The following CEP85L variants were observed in gnomAD, a reference collection of about 807,000 sequenced individuals.
CEP85L encodes centrosomal protein of 85 kDa-like.
Under a neutral mutation model 100.3 loss-of-function variants are expected in CEP85L, and 60 were observed. The observed-to-expected ratio is 0.60, with a 90% CI of 0.49 to 0.74. The LOEUF is 0.74. Among genes scored for constraint, CEP85L ranks in the 30% least tolerant of loss-of-function variants. The pLI is 0.00. For missense variants in CEP85L, 973 were observed against 936.2 expected (o/e 1.04, Z -0.51); for synonymous variants, 319 against 322.7 (o/e 0.99, Z 0.12).
chr6:118,471,568 G>A (rs922015619), intron 10 of CEP85L, among the ~76,000 whole-genome samples: 2 of 151,784 alleles, frequency 1.3e-5, no homozygotes, highest in African/African-American at 4.8e-5. Flanking sequence ...ATCACCATGG[G>A]TTGAAATAAG....
At chr6:118,477,421 TAA>T (rs1773467414) in intron 10 of CEP85L, among the ~76,000 whole-genome samples, 1 of 152,162 alleles carries the variant, frequency 6.6e-6, no homozygotes, top group Non-Finnish European at 1.5e-5. Flanking sequence ...CTATAACAGA[TAA>T]GTATTTATTT....
intron 2 of CEP85L, among the ~76,000 whole-genome samples, chr6:118,578,682 C>A (rs1167836599): frequency 2.0e-5 from 3 of 152,016 alleles, no homozygotes; most frequent in Non-Finnish European, 4.4e-5. Context: ...TGAGCCGAGA[C>A]CGCGCCACTG....
chr6:118,569,488 A>C (rs1314635659), intron 2 of CEP85L, among the ~76,000 whole-genome samples: 1 of 151,038 alleles, frequency 6.6e-6, no homozygotes, highest in African/African-American at 2.4e-5. Flanking sequence ...AAAATAAATA[A>C]ATAAAAATAA....
Position 118,489,506 on chromosome 6 carries a change from A to G in CEP85L, c.1437+2180T>C, listed in dbSNP as rs115480511. On this transcript the variant is annotated intron_variant, in intron 6 of 12. Transcript: ENST00000368491. ...GTATAACCAAATCCACACATGCTCA[A>G]TTCCTGCATAGAAGACATACAAATA... is the stretch of plus-strand genomic sequence containing the variant. Among the ~76,000 whole-genome samples the G allele has an allele frequency of 3.7e-3, 566 of 152,322 alleles. 3 individuals carry two copies. Among genetic ancestry groups the G allele is most frequent in the African/African-American group, 0.013 (540 of 41,578 alleles).
intron 2 of CEP85L, among the ~76,000 whole-genome samples, chr6:118,613,757 CAAA>C (rs370753175): frequency 9.7e-6 from 1 of 102,646 alleles, no homozygotes. Flanking sequence ...ATCTGTGTCT[CAAA>C]AAAAAAAAAA....
intron 1 of CEP85L, among the ~76,000 whole-genome samples, chr6:118,667,632 G>T (rs891742929): frequency 1.3e-5 from 2 of 152,176 alleles, no homozygotes; most frequent in Non-Finnish European, 2.9e-5. Context: ...GAGCCCTTTT[G>T]CAAAATGTGA....
chr6:118,465,616 A>G, intron 12 of CEP85L, 48 bp from the exon 13 acceptor site: 2 of 1,573,648 alleles, frequency 1.3e-6, no homozygotes, highest in Non-Finnish European at 1.7e-6. Context: ...TTTTGAACAA[A>G]GACATTTTAG....
At chr6:118,483,613 A>G in intron 7 of CEP85L, 93 bp downstream of exon 7, 1 of 1,158,146 alleles carries the variant, frequency 8.6e-7, no homozygotes, top group Non-Finnish European at 1.2e-6. Flanking sequence ...CAGCAATTAA[A>G]CACATAGATT....
intron 6 of CEP85L, among the ~76,000 whole-genome samples, chr6:118,491,198 C>CACACACACAT (rs1333772207): frequency 5.0e-5 from 2 of 40,126 alleles, no homozygotes; most frequent in Non-Finnish European, 8.5e-5. Context: ...AACATCTATA[C>CACACACACAT]ACACACACAC....
chr6:118,584,826 G>A (rs1192994087), intron 2 of CEP85L, among the ~76,000 whole-genome samples: 1 of 152,238 alleles, frequency 6.6e-6, no homozygotes, highest in Non-Finnish European at 1.5e-5. Flanking sequence ...ACTTTTGGGG[G>A]AGCCTTTGGC....
At chr6:118,471,744 G>T (rs1772968808) in intron 10 of CEP85L, among the ~76,000 whole-genome samples, 1 of 149,704 alleles carries the variant, frequency 6.7e-6, no homozygotes, top group South Asian at 2.1e-4. Context: ...CTAGGGAAAA[G>T]TTGTTTTATA....
chr6:118,550,806 T>C (rs1778496357), intron 3 of CEP85L, among the ~76,000 whole-genome samples: 1 of 151,936 alleles, frequency 6.6e-6, no homozygotes, highest in South Asian at 2.1e-4. Context: ...TACAAACTTC[T>C]ATTTTAATTA....
At chr6:118,641,966 G>T (rs1437984700) in intron 1 of CEP85L, among the ~76,000 whole-genome samples, 1 of 152,044 alleles carries the variant, frequency 6.6e-6, no homozygotes, top group African/African-American at 2.4e-5. Context: ...GGGCATACTG[G>T]AAATCAACAT....
intron 6 of CEP85L, among the ~76,000 whole-genome samples, chr6:118,489,082 A>C (rs968025488): frequency 6.6e-6 from 1 of 152,140 alleles, no homozygotes; most frequent in Non-Finnish European, 1.5e-5. Context: ...AGCCTGGCCA[A>C]CATGGTGAAA....
At chr6:118,602,936 T>A (rs747153642) in intron 2 of CEP85L, among the ~76,000 whole-genome samples, 1 of 151,992 alleles carries the variant, frequency 6.6e-6, no homozygotes, top group Non-Finnish European at 1.5e-5. Context: ...TTCTCCTACC[T>A]CAACCTTCTG....
chr6:118,669,751 T>C (rs994561409), intron 1 of CEP85L, among the ~76,000 whole-genome samples: 1 of 151,874 alleles, frequency 6.6e-6, no homozygotes, highest in Non-Finnish European at 1.5e-5. Context: ...GCCTCACTCA[T>C]ATATTTATCT....
At chr6:118,669,863 G>A (rs34017055) in intron 1 of CEP85L, among the ~76,000 whole-genome samples, 28 of 151,124 alleles carry the variant, frequency 1.9e-4, no homozygotes, top group East Asian at 3.9e-4. Context: ...GTGGTAGAGC[G>A]CTGAATTGAC....
At chr6:118,566,957 G>T (rs888267911) in intron 2 of CEP85L, among the ~76,000 whole-genome samples, 1 of 151,996 alleles carries the variant, frequency 6.6e-6, no homozygotes, top group Admixed American at 6.6e-5. Context: ...ACTGAGAGGT[G>T]TTATTCATAA....
At chr6:118,492,419 G>GA (rs879399862) in intron 5 of CEP85L, among the ~76,000 whole-genome samples, 4 of 151,900 alleles carry the variant, frequency 2.6e-5, no homozygotes, top group Admixed American at 6.6e-5. Flanking sequence ...CTATTGCATA[G>GA]AAAAAAATGG....
Sources: allele counts gnomAD v4.1 joint callset (sites outside exome capture counted in the v4.1 genomes callset), GRCh38; gene constraint gnomAD v4.1.1; transcripts MANE v1.5; gene names NCBI Gene and HGNC (gene_info 2026-07-23, HGNC 2026-07-21).